TRIP6: variants seen among roughly 807,000 people sequenced by gnomAD.
The protein encoded by TRIP6 is thyroid hormone receptor interactor 6, also known as thyroid receptor-interacting protein 6.
TRIP6 carries 33 observed loss-of-function variants against 51.9 expected under a neutral mutation model. That is an observed-to-expected ratio of 0.64 (90% CI 0.48 to 0.85). The LOEUF (loss-of-function observed/expected upper bound fraction) is 0.85. Ranked by LOEUF, TRIP6 falls within the 40% of genes least tolerant of loss-of-function variation. The pLI is 0.00. For synonymous variants in TRIP6, 255 were observed against 275.8 expected (o/e 0.92, Z 0.75); for missense variants, 661 against 652.1 (o/e 1.01, Z -0.15).
rs528433832 is a variant in TRIP6 at position 100,870,468 on chromosome 7, G to C, written c.829+5G>C. On this transcript the variant is annotated splice_donor_5th_base_variant and intron_variant, in intron 5 of 8. Coordinates refer to ENST00000200457, the MANE Select transcript of TRIP6 (RefSeq NM_003302.3). Reference sequence around the variant, plus strand: ...CGCCCAGCGGGGAGTACTTTGGTGAGCTGAGGCTGTGGGGTGGGTGGGACG... The same window carrying C: ...CGCCCAGCGGGGAGTACTTTGGTGACCTGAGGCTGTGGGGTGGGTGGGACG... 1.9e-6 allele frequency: 3 copies of C among 1,612,484 alleles called. No individual in the cohort carries two copies. The highest frequency in any genetic ancestry group is 3.3e-5 in the Admixed American group (2 of 59,944).
intron 8 of TRIP6, 195 bp from the exon 9 acceptor site, chr7:100,872,977 A>G (rs761783474): frequency 8.3e-6 from 9 of 1,083,130 alleles, no homozygotes; most frequent in Non-Finnish European, 1.1e-5. Flanking sequence ...CAGCCTCCTG[A>G]GTAGCTGGGA....
At position 100,868,302 on chromosome 7, in the gene TRIP6, A is replaced by G. The variant is rs538870667; in HGVS notation, c.363+69A>G. 1.7e-5 allele frequency: 27 copies of G among 1,573,332 alleles called. No individual in the cohort carries two copies. In the African/African-American group the frequency reaches 3.3e-4, roughly 19 times the overall value. On this transcript the variant is annotated intron_variant, in intron 3 of 8. Coordinates refer to ENST00000200457, the MANE Select transcript of TRIP6 (RefSeq NM_003302.3). ...TGGACTCTCAGACCCAGCCTGATCG[A>G]TCCCCCATGTGTGTAATGTGCACCC...
chr7:100,870,722 A>G lies in TRIP6; in HGVS notation c.978A>G (p.Ala326=). The G allele has an allele frequency of 6.2e-7, 1 of 1,613,478 alleles. No homozygotes were observed. The highest frequency in any genetic ancestry group is 1.3e-5 in the African/African-American group (1 of 74,998). Residue 326 remains alanine, a synonymous_variant, in exon 6 of 9, where the codon GCA becomes GCG. Coordinates refer to ENST00000200457, the MANE Select transcript of TRIP6 (RefSeq NM_003302.3). The stretch of plus-strand genomic sequence containing the variant: ...ATTTCTACGCCGTGGAGAGGAGGGC[A>G]TATTGCGAGGGCTGCTACGTGGTGA... ...GQHFYAVERR[A]YCEGCYVATL...
In TRIP6 at chr7:100,870,662, A is replaced by G. The variant is rs1054391; in HGVS notation, c.918A>G (p.Val306=). ...LDRVFHVGCF[V]CSTCRAQLRG... Reference sequence around the variant, plus strand: ...GCGTCTTTCACGTGGGCTGCTTTGTATGTTCTACATGCCGGGCCCAGCTTC... The same window carrying G: ...GCGTCTTTCACGTGGGCTGCTTTGTGTGTTCTACATGCCGGGCCCAGCTTC... Residue 306 remains valine (V), a synonymous_variant, in exon 6 of 9, where the codon GTA becomes GTG. Transcript: ENST00000200457. The G allele has an allele frequency of 0.53, 854,859 of 1,613,784 alleles. 230,919 individuals carry two copies. Among genetic ancestry groups the G allele is most frequent in the East Asian group, 0.82 (36,716 of 44,874 alleles).
At position 100,867,591 on chromosome 7, in the gene TRIP6, C is replaced by G; in HGVS notation, c.94C>G (p.Pro32Ala). ...AIPRGTPGPP[P>A]AHGAALQPHP... is the part of the protein sequence containing the mutation. Reference sequence around the variant, plus strand: ...CCCCCGCGGCACCCCGGGGCCACCACCGGCCCACGGAGCAGGTAAGGCAGC... The same window carrying G: ...CCCCCGCGGCACCCCGGGGCCACCAGCGGCCCACGGAGCAGGTAAGGCAGC... The change falls in exon 1 of 9, where the codon CCG becomes GCG. Residue 32 changes from proline (P) to alanine (A), a missense_variant. Coordinates refer to ENST00000200457, the MANE Select transcript of TRIP6 (RefSeq NM_003302.3). The surrounding 1 kb of genome is among the most constrained non-coding windows in gnomAD (Gnocchi z 5.4). 6.5e-7 allele frequency: 1 copy of G among 1,539,932 alleles called. No homozygotes were observed.
At chr7:100,868,064 G>T (rs1162031372) in intron 2 of TRIP6, 44 bp from the exon 3 acceptor site, 6 of 1,603,642 alleles carry the variant, frequency 3.7e-6, no homozygotes, top group Non-Finnish European at 4.3e-6. Context: ...ACAGGAGAAG[G>T]CCTATGGTGA....
chr7:100,870,069 A>T (rs1815236785), intron 4 of TRIP6, among the ~76,000 whole-genome samples: 1 of 152,138 alleles, frequency 6.6e-6, no homozygotes, highest in Non-Finnish European at 1.5e-5. Context: ...ACAGTGACAG[A>T]TCATCAGGCA....
rs1309080531 is a variant in TRIP6 at position 100,868,435 on chromosome 7, C to T, written c.364-60C>T. On this transcript the variant is annotated intron_variant, in intron 3 of 8. Transcript: ENST00000200457. Reference sequence around the variant, plus strand: ...TTCCCCACAGCCAGGGTCATTTCCACAAATGTGGGTCTTGGAGTGGGGTCC... The same window carrying T: ...TTCCCCACAGCCAGGGTCATTTCCATAAATGTGGGTCTTGGAGTGGGGTCC... The T allele has an allele frequency of 3.1e-6, 5 of 1,609,902 alleles. No homozygotes were observed. The East Asian group carries it at 8.9e-5, about 29-fold the overall frequency.
chr7:100,867,824 C>T lies in TRIP6; in HGVS notation c.110-37C>T, dbSNP rs373021337. 95 of 1,531,780 alleles carry T rather than the reference C, an allele frequency of 6.2e-5. No homozygotes were observed. In the African/African-American group the frequency reaches 1.0e-3, roughly 16 times the overall value. 94.9% of individuals were successfully genotyped at this position (1,531,780 alleles called of 1,614,324 possible). ...TCAAATATACACCCCTCCTGTCCTCCGCCACCCCACCTTTGATTTCTCTTC... is the reference window on the plus strand; with the variant it reads ...TCAAATATACACCCCTCCTGTCCTCTGCCACCCCACCTTTGATTTCTCTTC... On this transcript the variant is annotated intron_variant, in intron 1 of 8. Coordinates refer to ENST00000200457, the MANE Select transcript of TRIP6 (RefSeq NM_003302.3). The surrounding 1 kb of genome is among the most constrained non-coding windows in gnomAD (Gnocchi z 5.4).
rs939016544 is a variant in TRIP6 at position 100,868,611 on chromosome 7, C to T, written c.480C>T (p.Ala160=). The T allele has an allele frequency of 6.2e-7, 1 of 1,612,794 alleles. No individual in the cohort carries two copies. The highest frequency in any genetic ancestry group is 8.5e-7 in the Non-Finnish European group (1 of 1,179,962). ...CCACTCCAGCCTCTTACACTACCGCCAGCACCCCGGCTGGCCCAGCCTTCC... is the reference window on the plus strand; with the variant it reads ...CCACTCCAGCCTCTTACACTACCGCTAGCACCCCGGCTGGCCCAGCCTTCC... The part of the protein sequence containing the change: ...GGPTPASYTT[A]STPAGPAFPV... Residue 160 remains alanine, a synonymous_variant, in exon 4 of 9, where the codon GCC becomes GCT. Coordinates refer to ENST00000200457, the MANE Select transcript of TRIP6 (RefSeq NM_003302.3).
At chr7:100,869,731 A>G (rs1330029417) in intron 4 of TRIP6, among the ~76,000 whole-genome samples, 1 of 144,588 alleles carries the variant, frequency 6.9e-6, no homozygotes, top group Non-Finnish European at 1.5e-5. Flanking sequence ...CCACCTTCAG[A>G]GACATTATAG....
Position 100,868,642 on chromosome 7 carries a change from C to A in TRIP6, c.511C>A (p.Gln171Lys), listed in dbSNP as rs1479609595. ...STPAGPAFPV[Q>K]VKVAQPVRGC... ...CCCGGCTGGCCCAGCCTTCCCCGTG[C>A]AAGTGAAGGTGGCACAGCCAGTGAG... The change falls in exon 4 of 9, where the codon CAA becomes AAA. Residue 171 changes from glutamine to lysine, a missense_variant. By Grantham distance (53) the Gln-to-Lys change is moderately conservative (BLOSUM62 1). Coordinates refer to ENST00000200457, the MANE Select transcript of TRIP6 (RefSeq NM_003302.3). The A allele has an allele frequency of 6.2e-7, 1 of 1,611,546 alleles. No homozygotes were observed. The highest frequency in any genetic ancestry group is 2.2e-5 in the East Asian group (1 of 44,844).
chr7:100,868,025 C>T, intron 2 of TRIP6, 37 bp downstream of exon 2: 2 of 1,520,150 alleles, frequency 1.3e-6, no homozygotes, highest in East Asian at 2.3e-5. Flanking sequence ...CATGTGGGAT[C>T]CCCCAGAACC....
At chr7:100,872,181 GTTTTTTTTTTTTTT>G (rs34239953) in intron 7 of TRIP6, among the ~76,000 whole-genome samples, 1 of 95,592 alleles carries the variant, frequency 1.0e-5, no homozygotes, top group Non-Finnish European at 1.9e-5. Context: ...CGCCTGGCTA[GTTTTTTTTTTTTTT>G]TTTTTTTTTG....
At position 100,871,629 on chromosome 7, in the gene TRIP6, C is replaced by T; in HGVS notation, c.1086C>T (p.Cys362=). The change falls in exon 7 of 9, where the codon TGC becomes TGT. Residue 362 remains cysteine, a synonymous_variant. Coordinates refer to ENST00000200457, the MANE Select transcript of TRIP6 (RefSeq NM_003302.3). ...TGGGGAAGGCCTACCACCCTGGCTG[C>T]TTCACCTGCGTGGTGTGTCACCGCG... ...RAMGKAYHPG[C]FTCVVCHRGL... 3.1e-6 allele frequency: 5 copies of T among 1,614,142 alleles called. No individual in the cohort carries two copies. The highest frequency in any genetic ancestry group is 4.2e-6 in the Non-Finnish European group (5 of 1,180,048).
chr7:100,868,958 T>A (rs1023608360), intron 4 of TRIP6, 92 bp downstream of exon 4: 6 of 1,386,350 alleles, frequency 4.3e-6, no homozygotes, highest in African/African-American at 1.5e-5. Flanking sequence ...GGCTTTTTTG[T>A]TTTTTGAGAC....
intron 7 of TRIP6, 24 bp downstream of exon 7, chr7:100,871,745 C>T (rs1815276477): frequency 1.2e-6 from 2 of 1,607,656 alleles, no homozygotes; most frequent in Admixed American, 1.7e-5. Flanking sequence ...TCCACCTTGT[C>T]TCACAATGTC....
At position 100,868,855 on chromosome 7, in the gene TRIP6, C is replaced by T. The variant is rs753691571; in HGVS notation, c.724C>T (p.His242Tyr). 5.3e-6 allele frequency: 8 copies of T among 1,512,132 alleles called. No homozygotes were observed. The African/African-American group carries it at 1.1e-4, about 21-fold the overall frequency. The allele number at this position is 1,512,132 out of a possible 1,614,324, so 93.7% of individuals were successfully genotyped here. A position where few individuals can be genotyped will look rare whatever the true frequency, so the allele number is the denominator to read the frequency against. ...TGCAGGAAGAGGAAGAGGAGGCGAG[C>T]ACGGGCCCCAGGTGAGCCCTGGGGA... ...GPAGRGRGGEHGPQVPLSQPP... is the reference protein window; with the variant it reads ...GPAGRGRGGEYGPQVPLSQPP... Residue 242 changes from histidine to tyrosine, a missense_variant, in exon 4 of 9, where the codon CAC becomes TAC. Physicochemically the swap from His to Tyr is moderately conservative, Grantham distance 83. Transcript: ENST00000200457.
chr7:100,870,645 C>G lies in TRIP6; in HGVS notation c.901C>G (p.His301Asp). The change falls in exon 6 of 9, where the codon CAC becomes GAC. Residue 301 changes from histidine to aspartate, a missense_variant. Coordinates refer to ENST00000200457, the MANE Select transcript of TRIP6 (RefSeq NM_003302.3). Reference sequence around the variant, plus strand: ...GGTTGTGGCCCTTGATCGCGTCTTTCACGTGGGCTGCTTTGTATGTTCTAC... The same window carrying G: ...GGTTGTGGCCCTTGATCGCGTCTTTGACGTGGGCTGCTTTGTATGTTCTAC... ...AGVVALDRVF[H>D]VGCFVCSTCR... 6.2e-7 allele frequency: 1 copy of G among 1,614,114 alleles called. No homozygotes were observed. Among genetic ancestry groups the G allele is most frequent in the Non-Finnish European group, 8.5e-7 (1 of 1,180,000 alleles).
Sources: allele counts gnomAD v4.1 joint callset (sites outside exome capture counted in the v4.1 genomes callset), GRCh38; gene constraint gnomAD v4.1.1; non-coding constraint Gnocchi (gnomAD v3.1); transcripts MANE v1.5; gene names NCBI Gene and HGNC (gene_info 2026-07-23, HGNC 2026-07-21).